ROCK1: variants seen among roughly 807,000 people sequenced by gnomAD.
The protein encoded by ROCK1 is rho-associated protein kinase 1.
Under a neutral mutation model 196.8 loss-of-function variants are expected in ROCK1, and 36 were observed. That is an observed-to-expected ratio of 0.18 (90% CI 0.14 to 0.24). ROCK1 has a LOEUF of 0.24. ROCK1 is among the 10% of genes least tolerant of loss of function. The pLI is 1.00. For missense variants in ROCK1, 920 were observed against 1,562.0 expected, an observed-to-expected ratio of 0.59 and a Z score of 6.93; for synonymous variants, 443 against 515.9, an observed-to-expected ratio of 0.86 and a Z score of 1.91.
At chr18:20,986,559 A>G (rs1273997721) in intron 19 of ROCK1, among the ~76,000 whole-genome samples, 1 of 152,198 alleles carries the variant, frequency 6.6e-6, no homozygotes, top group East Asian at 1.9e-4. Context: ...TGTGCTATCA[A>G]TCTAAGCCAG....
intron 9 of ROCK1, among the ~76,000 whole-genome samples, chr18:21,029,765 G>A (rs941773221): frequency 6.6e-6 from 1 of 151,690 alleles, no homozygotes; most frequent in Non-Finnish European, 1.5e-5. Context: ...CTATTTTTGG[G>A]GCTTGAATGT....
intron 8 of ROCK1, among the ~76,000 whole-genome samples, chr18:21,040,068 A>G (rs1598539421): frequency 6.6e-6 from 1 of 152,352 alleles, no homozygotes; most frequent in African/African-American, 2.4e-5. Context: ...CAAAAAAAAG[A>G]AAACTAAAGA....
In ROCK1 at chr18:21,065,587, A is replaced by G. The variant is rs367593999; in HGVS notation, c.175+4945T>C. Among the ~76,000 whole-genome samples, 4 of 152,088 alleles carry G rather than the reference A, an allele frequency of 2.6e-5. No individual in the cohort carries two copies. The East Asian group carries it at 5.8e-4, about 22-fold the overall frequency. On this transcript the variant is annotated intron_variant, in intron 2 of 32. Coordinates refer to ENST00000399799, the MANE Select transcript of ROCK1 (RefSeq NM_005406.3). ...ATACAATCATAATCACTGTTCCCAA[A>G]TTTTCTCTCCCTTCATCCTCCCAAT... is the stretch of plus-strand genomic sequence containing the variant.
chr18:21,097,878 C>T (rs2036624981), intron 1 of ROCK1, among the ~76,000 whole-genome samples: 1 of 152,218 alleles, frequency 6.6e-6, no homozygotes, highest in Non-Finnish European at 1.5e-5. Context: ...AAGTGGTCGA[C>T]CTGGGTGGGA....
At position 20,949,692 on chromosome 18, in the gene ROCK1, C is replaced by G. The variant is rs887168977; in HGVS notation, c.*1692G>C. The G allele has an allele frequency of 3.9e-5, 6 of 152,366 alleles. No homozygotes were observed. Among genetic ancestry groups the G allele is most frequent in the Non-Finnish European group, 8.8e-5 (6 of 68,038 alleles). The allele number at this position is 152,366 out of a possible 1,614,324, so 9.4% of individuals were successfully genotyped here. ...TTGTTTTCCAACACACTTTAGCCAG[C>G]TTTTCATGTGAACTATTCCCACTCT... On this transcript the variant is annotated 3_prime_UTR_variant, in exon 33 of 33. Coordinates refer to ENST00000399799, the MANE Select transcript of ROCK1 (RefSeq NM_005406.3).
In ROCK1 at chr18:20,983,882, G is replaced by A. The variant is rs140460770; in HGVS notation, c.2489+469C>T. ...TATCCACTTTTGATATTAAACTTGT[G>A]AAGCATATTCTTCGACAAATTGTGA... On this transcript the variant is annotated intron_variant, in intron 20 of 32. Coordinates refer to ENST00000399799, the MANE Select transcript of ROCK1 (RefSeq NM_005406.3). 7.3e-3 allele frequency among the ~76,000 whole-genome samples: 1,104 copies of A among 152,262 alleles called. 9 individuals are homozygous for A. Among genetic ancestry groups the A allele is most frequent in the Middle Eastern group, 0.041 (12 of 294 alleles).
chr18:21,027,897 G>A (rs1384914306), intron 10 of ROCK1, among the ~76,000 whole-genome samples: 13 of 145,780 alleles, frequency 8.9e-5, no homozygotes, highest in African/African-American at 2.7e-4. Flanking sequence ...GAGTAGCTGG[G>A]ACTACAGGCG....
chr18:20,961,721 T>G lies in ROCK1; in HGVS notation c.3353-1515A>C, dbSNP rs544374037. On this transcript the variant is annotated intron_variant, in intron 27 of 32. Coordinates refer to ENST00000399799, the MANE Select transcript of ROCK1 (RefSeq NM_005406.3). ...CGTAATGTCTCCACACCTTTGCTTG[T>G]GTTATTCCTCTTCATATAAATTGTT... 5.9e-5 allele frequency among the ~76,000 whole-genome samples: 9 copies of G among 152,210 alleles called. No homozygotes were observed. In the South Asian group the frequency reaches 1.7e-3, roughly 28 times the overall value.
chr18:21,025,989 T>A (rs2035952403), intron 10 of ROCK1, among the ~76,000 whole-genome samples: 1 of 152,152 alleles, frequency 6.6e-6, no homozygotes, highest in African/African-American at 2.4e-5. Context: ...TAATAAATGT[T>A]TATTTAACTG....
In ROCK1 at chr18:20,949,174, T is replaced by C. The variant is rs984534252; in HGVS notation, c.*2210A>G. 8 of 152,172 alleles carry C rather than the reference T, an allele frequency of 5.3e-5. No homozygotes were observed. The highest frequency in any genetic ancestry group is 1.2e-4 in the Non-Finnish European group (8 of 68,024). 9.4% of individuals were successfully genotyped at this position (152,172 alleles called of 1,614,324 possible). A position where few individuals can be genotyped will look rare whatever the true frequency, so the allele number is the denominator to read the frequency against. ...TTGGAAAGTCTTCTCTTGCTTAAAC[T>C]AATTAGAATTAACTCTGTTCTCTGC... is the stretch of plus-strand genomic sequence containing the variant. On this transcript the variant is annotated 3_prime_UTR_variant, in exon 33 of 33. Transcript: ENST00000399799.
intron 1 of ROCK1, among the ~76,000 whole-genome samples, chr18:21,084,255 C>CAAA (rs56033980): frequency 1.4e-5 from 2 of 148,014 alleles, no homozygotes; most frequent in Admixed American, 6.7e-5. Context: ...ACACAGGCAA[C>CAAA]AAAAAAAAAA....
At chr18:21,076,460 T>C (rs190300452) in intron 1 of ROCK1, among the ~76,000 whole-genome samples, 63 of 152,122 alleles carry the variant, frequency 4.1e-4, no homozygotes, top group African/African-American at 1.5e-3. Context: ...GCCGAGATCG[T>C]GCCACTGCAC....
intron 27 of ROCK1, among the ~76,000 whole-genome samples, chr18:20,961,176 A>G (rs185408897): frequency 8.7e-4 from 133 of 152,304 alleles, no homozygotes; most frequent in Middle Eastern, 3.4e-3. Flanking sequence ...TTCCGTATCT[A>G]CCTTATATTT....
At position 20,982,767 on chromosome 18, in the gene ROCK1, A is replaced by G; in HGVS notation, c.2555T>C (p.Phe852Ser). 6.6e-7 allele frequency: 1 copy of G among 1,515,816 alleles called. No individual in the cohort carries two copies. Among genetic ancestry groups the G allele is most frequent in the Non-Finnish European group, 9.2e-7 (1 of 1,092,134 alleles). The allele number at this position is 1,515,816 out of a possible 1,614,324, so 93.9% of individuals were successfully genotyped here. Reference sequence around the variant, plus strand: ...TTAAAAATGATTCTCACTTACCGAGAAATATTGCTCAGCTTCAAGCTGATC... The same window carrying G: ...TTAAAAATGATTCTCACTTACCGAGGAATATTGCTCAGCTTCAAGCTGATC... Reference protein sequence around the residue: ...LQDQLEAEQYFSTLYKTQVKE... With the variant: ...LQDQLEAEQYSSTLYKTQVKE... The change falls in exon 21 of 33, where the codon TTC (phenylalanine) becomes TCC (serine). Residue 852 changes from phenylalanine to serine, a missense_variant. Around this residue, in one of 6 missense-constraint regions of ROCK1, gnomAD observed 520 missense variants for 657.1 expected, o/e 0.79. Coordinates refer to ENST00000399799, the MANE Select transcript of ROCK1 (RefSeq NM_005406.3).
At chr18:20,983,542 T>C (rs969914701) in intron 20 of ROCK1, among the ~76,000 whole-genome samples, 1 of 151,974 alleles carries the variant, frequency 6.6e-6, no homozygotes, top group African/African-American at 2.4e-5. Context: ...GGCTTGAAAA[T>C]CTAGCGGCTA....
At chr18:20,987,869 T>C (rs112815912) in intron 18 of ROCK1, among the ~76,000 whole-genome samples, 1,933 of 152,330 alleles carry the variant, frequency 0.013, 20 homozygotes, top group Non-Finnish European at 0.02. Flanking sequence ...CCCTTCTGTT[T>C]AATCAAACAC....
chr18:21,042,345 A>G, intron 7 of ROCK1, 110 bp from the exon 8 acceptor site: 2 of 1,064,616 alleles, frequency 1.9e-6, no homozygotes, highest in South Asian at 1.7e-5. Context: ...GGTATGTATT[A>G]AACTAAAAAC....
chr18:20,958,424 C>T (rs1366616697), intron 29 of ROCK1, among the ~76,000 whole-genome samples: 14 of 152,024 alleles, frequency 9.2e-5, no homozygotes, highest in East Asian at 1.9e-4. Context: ...TCCTGCTAGT[C>T]GGTAAGGTCC....
chr18:21,050,560 A>C (rs1322925404), intron 2 of ROCK1, among the ~76,000 whole-genome samples: 1 of 152,156 alleles, frequency 6.6e-6, no homozygotes, highest in Non-Finnish European at 1.5e-5. Flanking sequence ...AAATAGGGCT[A>C]TTTTAATCCA....
Sources: gnomAD v4.1 joint callset for allele counts (sites outside exome capture counted in the v4.1 genomes callset) on GRCh38, gnomAD v4.1.1 for gene constraint, gnomAD v4.1.1 regional missense constraint, MANE v1.5 for transcripts, NCBI Gene and HGNC (gene_info 2026-07-23, HGNC 2026-07-21) for gene names.